Variants in KMT5A observed in about 807,000 individuals in gnomAD.
KMT5A encodes N-lysine methyltransferase KMT5A.
A neutral mutation model predicts 40.6 loss-of-function variants in KMT5A; 6 were observed. That is an observed-to-expected ratio of 0.15 (90% CI 0.08 to 0.29). The LOEUF (loss-of-function observed/expected upper bound fraction) is 0.29. Among genes scored for constraint, KMT5A ranks in the 10% least tolerant of loss-of-function variants. KMT5A has a pLI of 1.00. For missense variants in KMT5A, 308 were observed against 459.1 expected (o/e 0.67, Z 3.01); for synonymous variants, 153 against 178.8 (o/e 0.86, Z 1.15).
chr12:123,394,878 C>T (rs1230847567), intron 3 of KMT5A, among the ~76,000 whole-genome samples, 169 bp from the exon 4 acceptor site: 1 of 152,158 alleles, frequency 6.6e-6, no homozygotes, highest in Non-Finnish European at 1.5e-5. Context: ...GCTAGGCACT[C>T]CCCCTGTCAT....
chr12:123,387,148 C>T (rs1212424578), intron 1 of KMT5A, among the ~76,000 whole-genome samples: 3 of 152,184 alleles, frequency 2.0e-5, no homozygotes, highest in East Asian at 1.9e-4. Flanking sequence ...TGAGCCACTG[C>T]GCCCAGCTGG....
At chr12:123,401,185 GT>G (rs1878134903) in intron 5 of KMT5A, among the ~76,000 whole-genome samples, 1 of 100,616 alleles carries the variant, frequency 9.9e-6, no homozygotes, top group Non-Finnish European at 1.8e-5. Flanking sequence ...GTCTTGCTCT[GT>G]TGCCAAGGCT....
intron 7 of KMT5A, 136 bp downstream of exon 7, chr12:123,405,210 T>C (rs578237429): frequency 2.3e-4 from 207 of 910,796 alleles, no homozygotes; most frequent in Non-Finnish European, 3.0e-4. Flanking sequence ...TTTTTATTTT[T>C]TGAGATGGAG....
intron 3 of KMT5A, 111 bp downstream of exon 3, chr12:123,390,897 C>A: frequency 7.6e-7 from 1 of 1,315,278 alleles, no homozygotes; most frequent in South Asian, 1.4e-5. Context: ...GTCTCAGATT[C>A]GAGAGGTTTG....
At position 123,384,823 on chromosome 12, in the gene KMT5A, C is replaced by G. The variant is rs962123748; in HGVS notation, c.10+615C>G. On this transcript the variant is annotated intron_variant, in intron 1 of 7. Transcript: ENST00000402868. The surrounding 1 kb of genome is among the most constrained non-coding windows in gnomAD (Gnocchi z 5.7). ...TCGTTCGCCCCGCATCTGGTCAGGA[C>G]TTCGCCCCCCGGTAGATGGCTTGGG... Among the ~76,000 whole-genome samples, 4 of 152,212 alleles carry G rather than the reference C, an allele frequency of 2.6e-5. No homozygotes were observed. Among genetic ancestry groups the G allele is most frequent in the Non-Finnish European group, 5.9e-5 (4 of 68,020 alleles).
chr12:123,390,615 C>CT lies in KMT5A; in HGVS notation c.133-11dup. 5.6e-6 allele frequency: 9 copies of CT among 1,612,594 alleles called. No homozygotes were observed. Among genetic ancestry groups the CT allele is most frequent in the Non-Finnish European group, 7.6e-6 (9 of 1,179,436 alleles). ...TTCTTCAAGCCTCTTTCAGAATATG[C>CT]TTTTGTCTTTTTAGGAGAACGTATT... On this transcript the variant is annotated splice_polypyrimidine_tract_variant and intron_variant, in intron 2 of 7. Coordinates refer to ENST00000402868, the MANE Select transcript of KMT5A (RefSeq NM_020382.7).
intron 5 of KMT5A, among the ~76,000 whole-genome samples, chr12:123,403,195 G>A (rs953835169): frequency 2.0e-5 from 3 of 152,236 alleles, no homozygotes; most frequent in Admixed American, 6.5e-5. Flanking sequence ...GAGCCACCGC[G>A]CCTGGCCCAC....
chr12:123,392,255 G>A (rs1361044474), intron 3 of KMT5A, among the ~76,000 whole-genome samples: 2 of 152,134 alleles, frequency 1.3e-5, no homozygotes, highest in Non-Finnish European at 2.9e-5. Flanking sequence ...GTAGTTGCCC[G>A]GACTCTAGTC....
At chr12:123,394,948 A>T in intron 3 of KMT5A, 99 bp from the exon 4 acceptor site, 2 of 1,143,328 alleles carry the variant, frequency 1.7e-6, no homozygotes, top group Non-Finnish European at 2.5e-6. Flanking sequence ...CAAACCCAGG[A>T]TCCTGTCTTC....
At chr12:123,385,719 C>T (rs562140398) in intron 1 of KMT5A, among the ~76,000 whole-genome samples, 87 of 152,138 alleles carry the variant, frequency 5.7e-4, no homozygotes, top group African/African-American at 2.0e-3. Context: ...GGCATGGCAG[C>T]GCATGCCTGT....
intron 5 of KMT5A, among the ~76,000 whole-genome samples, chr12:123,397,663 CTTTTTT>C (rs63687963): frequency 1.3e-5 from 1 of 79,548 alleles, no homozygotes; most frequent in Non-Finnish European, 2.7e-5. Context: ...TGCTAGGTCA[CTTTTTT>C]TTTTTTTTTT....
rs1321381638 is a variant in KMT5A, at chr12:123,408,908, G to A, written c.*1205G>A. Reference sequence around the variant, plus strand: ...GGCAGCCCCCAGGAATCAAGGATAGGGCTAAGGTTTTCACCTTAACTGTGA... The same window carrying A: ...GGCAGCCCCCAGGAATCAAGGATAGAGCTAAGGTTTTCACCTTAACTGTGA... On this transcript the variant is annotated 3_prime_UTR_variant, in exon 8 of 8. Coordinates refer to ENST00000402868, the MANE Select transcript of KMT5A (RefSeq NM_020382.7). The A allele has an allele frequency of 6.6e-6, 1 of 152,606 alleles. No homozygotes were observed. The highest frequency in any genetic ancestry group is 1.9e-4 in the East Asian group (1 of 5,192). The allele number at this position is 152,606 out of a possible 1,614,324, so 9.5% of individuals were successfully genotyped here. A position where few individuals can be genotyped will look rare whatever the true frequency, so the allele number is the denominator to read the frequency against.
chr12:123,405,168 G>A, intron 7 of KMT5A, 94 bp downstream of exon 7: 3 of 1,271,714 alleles, frequency 2.4e-6, no homozygotes, highest in Non-Finnish European at 3.2e-6. Context: ...TTGGTGGCCA[G>A]TCTTTTGGTT....
intron 6 of KMT5A, among the ~76,000 whole-genome samples, 158 bp from the exon 7 acceptor site, chr12:123,404,725 TA>T (rs1878409926): frequency 6.6e-6 from 1 of 152,166 alleles, no homozygotes; most frequent in Non-Finnish European, 1.5e-5. Context: ...ATACACTTCA[TA>T]AAACCCATCA....
intron 2 of KMT5A, 44 bp from the exon 3 acceptor site, chr12:123,390,586 C>G: frequency 1.9e-6 from 3 of 1,603,378 alleles, no homozygotes; most frequent in Non-Finnish European, 2.6e-6. Flanking sequence ...GCTCTAGGAT[C>G]TTCTTCTTCA....
Position 123,396,563 on chromosome 12 carries a change from G to T in KMT5A, c.597+131G>T, listed in dbSNP as rs1877745227. ...TGGAGCAAGTCTCTTGGCCCCTCTG[G>T]ACTTGGTTTTCTCCTGGATCTATCG... On this transcript the variant is annotated intron_variant, in intron 5 of 7. Transcript: ENST00000402868. The T allele has an allele frequency of 3.7e-6, 3 of 802,014 alleles. No individual in the cohort carries two copies. The Admixed American group carries it at 7.1e-5, about 19-fold the overall frequency. 49.7% of individuals were successfully genotyped at this position (802,014 alleles called of 1,614,324 possible).
At chr12:123,397,336 A>C (rs540554731) in intron 5 of KMT5A, among the ~76,000 whole-genome samples, 5 of 152,230 alleles carry the variant, frequency 3.3e-5, no homozygotes, top group Non-Finnish European at 4.4e-5. Flanking sequence ...CCTCACCCCC[A>C]CAGTGACCAC....
At chr12:123,400,340 G>A (rs1416133311) in intron 5 of KMT5A, among the ~76,000 whole-genome samples, 1 of 146,366 alleles carries the variant, frequency 6.8e-6, no homozygotes, top group Non-Finnish European at 1.5e-5. Flanking sequence ...CAGCCAAAAA[G>A]TTTTTAAAAT....
At chr12:123,395,404 GTCA>G in intron 4 of KMT5A, 138 bp downstream of exon 4, 1 of 845,730 alleles carries the variant, frequency 1.2e-6, no homozygotes, top group Non-Finnish European at 1.8e-6. Flanking sequence ...GATGCCCCGA[GTCA>G]TCAGCAGGGA....
Sources: allele counts gnomAD v4.1 joint callset (sites outside exome capture counted in the v4.1 genomes callset), GRCh38; gene constraint gnomAD v4.1.1; non-coding constraint Gnocchi (gnomAD v3.1); transcripts MANE v1.5; gene names NCBI Gene and HGNC (gene_info 2026-07-23, HGNC 2026-07-21).